The following TTC34 variants were observed in gnomAD, a reference collection of about 807,000 sequenced individuals.
The protein encoded by TTC34 is tetratricopeptide repeat protein 34.
A neutral mutation model predicts 40.7 loss-of-function variants in TTC34; 44 were observed. That is an observed-to-expected ratio of 1.08 (90% CI 0.85 to 1.39). TTC34 has a LOEUF of 1.39. Among genes scored for constraint, TTC34 ranks in the 40% most tolerant of loss-of-function variants. The pLI is 0.00. For missense variants in TTC34, 884 were observed against 838.0 expected, an observed-to-expected ratio of 1.05 and a Z score of -0.68; for synonymous variants, 422 against 398.6, an observed-to-expected ratio of 1.06 and a Z score of -0.70.
In TTC34 at chr1:2,800,030, T is replaced by C. The variant is rs1436412196; in HGVS notation, c.784+14A>G. 2.5e-6 allele frequency: 1 copy of C among 398,238 alleles called. No individual in the cohort carries two copies. Among genetic ancestry groups the C allele is most frequent in the Non-Finnish European group, 4.4e-6 (1 of 226,088 alleles). 24.7% of individuals were successfully genotyped at this position (398,238 alleles called of 1,614,324 possible). ...TTTCACCCTGGCTCTGCAGGGGCCATGCCGTCCTCCTACCTTGGGGTTCGC... is the reference window on the plus strand; with the variant it reads ...TTTCACCCTGGCTCTGCAGGGGCCACGCCGTCCTCCTACCTTGGGGTTCGC... On this transcript the variant is annotated intron_variant, in intron 2 of 8. Coordinates refer to ENST00000401095, the Ensembl canonical transcript of TTC34.
chr1:2,648,077 CAT>C (rs1001332841), intron 6 of TTC34, among the ~76,000 whole-genome samples: 6 of 151,876 alleles, frequency 4.0e-5, no homozygotes, highest in African/African-American at 1.2e-4. Flanking sequence ...ATTTCTTTTA[CAT>C]GTTTATGTCA....
chr1:2,687,167 A>G (rs531627767), intron 6 of TTC34, among the ~76,000 whole-genome samples: 1 of 74,638 alleles, frequency 1.3e-5, no homozygotes, highest in Non-Finnish European at 2.4e-5. Flanking sequence ...ACCCACACAC[A>G]CAGGCGAGCA....
Position 2,644,483 on chromosome 1 carries a change from C to T in TTC34, c.2498-5G>A, listed in dbSNP as rs1557579594. ...TGCCAGCTTCCTCGTAGCTGCCTGTCAGGGATTCAGGAGGGACAGTCAGTG... is the reference window on the plus strand; with the variant it reads ...TGCCAGCTTCCTCGTAGCTGCCTGTTAGGGATTCAGGAGGGACAGTCAGTG... On this transcript the variant is annotated splice_region_variant and splice_polypyrimidine_tract_variant and intron_variant, in intron 7 of 8. Transcript: ENST00000401095. 2.0e-6 allele frequency: 3 copies of T among 1,531,980 alleles called. No homozygotes were observed. The highest frequency in any genetic ancestry group is 2.6e-6 in the Non-Finnish European group (3 of 1,143,904). 94.9% of individuals were successfully genotyped at this position (1,531,980 alleles called of 1,614,324 possible).
At position 2,789,384 on chromosome 1, in the gene TTC34, A is replaced by C. The variant is rs995684839; in HGVS notation, c.1628+119T>G. The C allele has an allele frequency of 3.9e-6, 4 of 1,028,488 alleles. No individual in the cohort carries two copies. The African/African-American group carries it at 6.8e-5, about 17-fold the overall frequency. 63.7% of individuals were successfully genotyped at this position (1,028,488 alleles called of 1,614,324 possible). A position where few individuals can be genotyped will look rare whatever the true frequency, so the allele number is the denominator to read the frequency against. On this transcript the variant is annotated intron_variant, in intron 3 of 8. Coordinates refer to ENST00000401095, the Ensembl canonical transcript of TTC34. ...CTAGACCTGCCTCGGGTGCTTTGGG[A>C]AGTCACCAGCCACTGCCTCCGTTCA...
At chr1:2,686,934 G>C (rs1440653849) in intron 6 of TTC34, among the ~76,000 whole-genome samples, 1 of 149,122 alleles carries the variant, frequency 6.7e-6, no homozygotes, top group Non-Finnish European at 1.5e-5. Context: ...TCCCAGACGA[G>C]CATCGGACAG....
At chr1:2,790,314 C>T (rs1171406800) in exon 3 of TTC34, 2 of 398,420 alleles carry the variant, frequency 5.0e-6, no homozygotes, top group Non-Finnish European at 8.9e-6. Flanking sequence ...GCCGAGGCCG[C>T]GCGGGTGACC....
chr1:2,764,367 G>A (rs1251646932), intron 6 of TTC34, among the ~76,000 whole-genome samples: 7 of 143,370 alleles, frequency 4.9e-5, no homozygotes, highest in African/African-American at 1.0e-4. Context: ...TGACAGCCTG[G>A]AGCAGTGCCC....
chr1:2,660,785 C>T (rs1167676523), intron 6 of TTC34, among the ~76,000 whole-genome samples: 1 of 136,066 alleles, frequency 7.3e-6, no homozygotes, highest in Admixed American at 7.2e-5. Flanking sequence ...TGGAGCAGCA[C>T]CCACACCCCC....
At chr1:2,686,288 C>G (rs1281754759) in intron 6 of TTC34, among the ~76,000 whole-genome samples, 3 of 136,662 alleles carry the variant, frequency 2.2e-5, no homozygotes, top group Admixed American at 7.3e-5. Flanking sequence ...CACCCCCAGG[C>G]GAGCATCTGA....
At chr1:2,779,321 ATTTTT>A (rs112410867) in intron 6 of TTC34, among the ~76,000 whole-genome samples, 1 of 148,468 alleles carries the variant, frequency 6.7e-6, no homozygotes, top group East Asian at 2.0e-4. Flanking sequence ...TGGTAGTTCT[ATTTTT>A]TTTTTCTTTT....
intron 3 of TTC34, among the ~76,000 whole-genome samples, chr1:2,789,273 C>T (rs573716890): frequency 1.3e-5 from 2 of 152,320 alleles, no homozygotes; most frequent in Admixed American, 6.5e-5. Context: ...AGCTATTTTA[C>T]ATGCACCAAA....
At chr1:2,768,159 C>G (rs1266457519) in intron 6 of TTC34, among the ~76,000 whole-genome samples, 1 of 151,658 alleles carries the variant, frequency 6.6e-6, no homozygotes. Flanking sequence ...TGGATCAACA[C>G]TCGAACCTTC....
intron 6 of TTC34, among the ~76,000 whole-genome samples, chr1:2,657,267 G>A: frequency 8.1e-6 from 1 of 123,322 alleles, no homozygotes. Context: ...ACAACCCCAG[G>A]CGAGCATCTG....
intron 6 of TTC34, among the ~76,000 whole-genome samples, chr1:2,755,464 C>T (rs1316468756): frequency 1.4e-5 from 1 of 73,168 alleles, no homozygotes; most frequent in Non-Finnish European, 2.3e-5. Flanking sequence ...ACCCACACCC[C>T]CAGGTGAACA....
At chr1:2,682,056 G>C (rs1306338747) in intron 6 of TTC34, among the ~76,000 whole-genome samples, 3 of 73,788 alleles carry the variant, frequency 4.1e-5, no homozygotes. Flanking sequence ...TTGTGGAGCA[G>C]CACCCCACAC....
chr1:2,789,680 G>A (rs1643639595), exon 3 of TTC34: 9 of 1,272,702 alleles, frequency 7.1e-6, no homozygotes, highest in South Asian at 1.9e-5. Flanking sequence ...CGCCTCCTCG[G>A]GCCGCAGCCT....
At chr1:2,683,692 C>T (rs1485928805) in intron 6 of TTC34, among the ~76,000 whole-genome samples, 245 of 146,120 alleles carry the variant, frequency 1.7e-3, no homozygotes, top group African/African-American at 6.2e-3. Context: ...GACGATCTGA[C>T]AGCCTGGAAC....
intron 6 of TTC34, among the ~76,000 whole-genome samples, chr1:2,685,846 T>A (rs535791123): frequency 7.0e-6 from 1 of 143,874 alleles, no homozygotes; most frequent in Non-Finnish European, 1.5e-5. Context: ...CATGCCCAGG[T>A]GAGCCTCTGA....
intron 6 of TTC34, among the ~76,000 whole-genome samples, chr1:2,646,782 A>G (rs1639028071): frequency 6.6e-6 from 1 of 152,204 alleles, no homozygotes; most frequent in Admixed American, 6.5e-5. Flanking sequence ...TCCAGCAGAG[A>G]ATTTCTATCA....
Sources: allele counts gnomAD v4.1 joint callset (sites outside exome capture counted in the v4.1 genomes callset), GRCh38; gene constraint gnomAD v4.1.1; transcripts MANE v1.5; gene names NCBI Gene and HGNC (gene_info 2026-07-23, HGNC 2026-07-21).